The following CFAP47 variants were observed in gnomAD, a reference collection of about 807,000 sequenced individuals.
CFAP47 encodes cilia- and flagella-associated protein 47.
A neutral mutation model predicts 148.1 loss-of-function variants in CFAP47; 29 were observed. That is an observed-to-expected ratio of 0.20 (90% CI 0.15 to 0.27). The LOEUF is 0.27. Ranked by LOEUF, CFAP47 falls within the 10% of genes least tolerant of loss-of-function variation. The pLI, the probability that CFAP47 is intolerant of heterozygous loss-of-function variation, is 1.00. For missense variants in CFAP47, 1,872 were observed against 1,697.5 expected (o/e 1.10, Z -1.81); for synonymous variants, 664 against 577.3 (o/e 1.15, Z -2.15).
intron 33 of CFAP47, among the ~76,000 whole-genome samples, chrX:36,133,884 T>A (rs188714471): frequency 1.8e-5 from 2 of 108,268 alleles, no homozygotes; most frequent in African/African-American, 6.7e-5. Context: ...GGGGCTGGAA[T>A]TCAACATTTC....
chrX:36,355,231 G>T (rs188689420), intron 60 of CFAP47, among the ~76,000 whole-genome samples: 17 of 111,347 alleles, frequency 1.5e-4, no homozygotes, highest in African/African-American at 5.5e-4. Flanking sequence ...TAAAGATGTG[G>T]AGAAATTTGA....
At chrX:35,945,958 C>T (rs1392758819) in intron 3 of CFAP47, among the ~76,000 whole-genome samples, 2 of 105,558 alleles carry the variant, frequency 1.9e-5, no homozygotes, top group Non-Finnish European at 3.9e-5. Flanking sequence ...CTGCAACCTC[C>T]GCCTCCCAGG....
At chrX:36,341,110 A>G (rs1395985513) in intron 57 of CFAP47, among the ~76,000 whole-genome samples, 1 of 102,856 alleles carries the variant, frequency 9.7e-6, no homozygotes, top group Non-Finnish European at 2.0e-5. Flanking sequence ...ATCTCGGCTC[A>G]CTGCAACTTC....
At chrX:35,991,621 G>T (rs1192532770) in intron 16 of CFAP47, among the ~76,000 whole-genome samples, 200 bp from the exon 17 acceptor site, 1 of 110,194 alleles carries the variant, frequency 9.1e-6, no homozygotes, top group Non-Finnish European at 1.9e-5. Flanking sequence ...ATAAAGTCCT[G>T]ATTTGTGATT....
At chrX:36,330,777 G>A (rs782248778) in intron 57 of CFAP47, among the ~76,000 whole-genome samples, 148 of 111,615 alleles carry the variant, frequency 1.3e-3, no homozygotes, top group African/African-American at 3.6e-3. Context: ...CTTTACTTCC[G>A]TTACTAAGAC....
intron 33 of CFAP47, among the ~76,000 whole-genome samples, chrX:36,104,983 A>T (rs1938442124): frequency 8.9e-6 from 1 of 112,162 alleles, no homozygotes; most frequent in Non-Finnish European, 1.9e-5. Context: ...TGACATTTTC[A>T]ACTGTATAGA....
At chrX:36,323,717 G>A (rs1183376139) in intron 57 of CFAP47, among the ~76,000 whole-genome samples, 1 of 110,957 alleles carries the variant, frequency 9.0e-6, no homozygotes, top group African/African-American at 3.3e-5. Flanking sequence ...AATAATTTCT[G>A]TAATTATTTC....
At chrX:36,171,623 T>C (rs1446189773) in intron 39 of CFAP47, among the ~76,000 whole-genome samples, 6 of 111,117 alleles carry the variant, frequency 5.4e-5, no homozygotes, top group Admixed American at 9.6e-5. Flanking sequence ...TGTGGCGTTA[T>C]TTCTGAGGGC....
chrX:35,965,195 G>A (rs1936385434), intron 8 of CFAP47, among the ~76,000 whole-genome samples: 2 of 111,427 alleles, frequency 1.8e-5, no homozygotes, highest in Non-Finnish European at 3.8e-5. Flanking sequence ...ATTGTGTGCA[G>A]CCAATAAAGT....
intron 49 of CFAP47, among the ~76,000 whole-genome samples, chrX:36,277,174 A>G (rs73460130): frequency 0.045 from 4,998 of 112,264 alleles, 315 homozygotes; most frequent in African/African-American, 0.15. Context: ...AATTATTCAC[A>G]TTTAGTTTCA....
At chrX:36,245,137 A>T (rs1365897485) in intron 48 of CFAP47, among the ~76,000 whole-genome samples, 1 of 111,990 alleles carries the variant, frequency 8.9e-6, no homozygotes, top group South Asian at 3.7e-4. Flanking sequence ...ATGCAGAAAA[A>T]GCTTTTGATA....
rs200155055 is a variant in CFAP47 at position 36,384,204 on chromosome X, C to T, written c.9355-593C>T. Reference sequence around the variant, plus strand: ...AAAAATACAAAAATTAGCCGGGTGTCGTGGCACATGCATGTAAATCCAGCT... The same window carrying T: ...AAAAATACAAAAATTAGCCGGGTGTTGTGGCACATGCATGTAAATCCAGCT... On this transcript the variant is annotated intron_variant, in intron 63 of 63. Transcript: ENST00000378653. 5.5e-5 allele frequency among the ~76,000 whole-genome samples: 6 copies of T among 110,035 alleles called. No homozygotes were observed. The East Asian group carries it at 1.2e-3, about 21-fold the overall frequency.
intron 45 of CFAP47, among the ~76,000 whole-genome samples, chrX:36,225,169 G>C (rs1350556106): frequency 9.0e-6 from 1 of 111,725 alleles, no homozygotes; most frequent in Non-Finnish European, 1.9e-5. Context: ...AGGGATGGAA[G>C]GGACAGATCC....
At chrX:36,141,019 T>C (rs979507331) in intron 35 of CFAP47, among the ~76,000 whole-genome samples, 4 of 110,052 alleles carry the variant, frequency 3.6e-5, no homozygotes, top group African/African-American at 1.3e-4. Context: ...GAGTAGTGAT[T>C]GGAGCTAAGG....
chrX:36,123,307 C>T (rs1938778766), intron 33 of CFAP47, among the ~76,000 whole-genome samples: 1 of 112,050 alleles, frequency 8.9e-6, no homozygotes, highest in Non-Finnish European at 1.9e-5. Flanking sequence ...TGTGTTTGCT[C>T]AAGGTCCTGG....
intron 29 of CFAP47, 105 bp from the exon 30 acceptor site, chrX:36,085,209 T>G: frequency 2.0e-6 from 1 of 494,473 alleles, no homozygotes; most frequent in South Asian, 3.3e-5. Context: ...CTTACTTAGT[T>G]GATTTTAATA....
intron 40 of CFAP47, among the ~76,000 whole-genome samples, chrX:36,184,519 A>G (rs1471786211): frequency 1.8e-5 from 2 of 112,233 alleles, no homozygotes; most frequent in Admixed American, 1.9e-4. Context: ...CCATGAGCTT[A>G]GGGGCTTCAT....
At chrX:36,176,129 G>A (rs867030302) in intron 39 of CFAP47, among the ~76,000 whole-genome samples, 5 of 112,951 alleles carry the variant, frequency 4.4e-5, no homozygotes, top group African/African-American at 1.3e-4. Context: ...TGTGCTTCCC[G>A]AGTGAGGCAA....
chrX:35,921,835 C>T (rs1285247384), intron 1 of CFAP47, among the ~76,000 whole-genome samples: 1 of 110,843 alleles, frequency 9.0e-6, no homozygotes, highest in Non-Finnish European at 1.9e-5. Context: ...AGGGCATTGT[C>T]ATCATCACTA....
Sources: allele counts gnomAD v4.1 joint callset (sites outside exome capture counted in the v4.1 genomes callset), GRCh38; gene constraint gnomAD v4.1.1; transcripts MANE v1.5; gene names NCBI Gene and HGNC (gene_info 2026-07-23, HGNC 2026-07-21).